DOCK4: variants seen among roughly 807,000 people sequenced by gnomAD.
DOCK4 encodes dedicator of cytokinesis 4.
DOCK4 carries 97 observed loss-of-function variants against 268.1 expected under a neutral mutation model. The observed-to-expected ratio is 0.36, with a 90% CI of 0.31 to 0.43. The LOEUF (loss-of-function observed/expected upper bound fraction) is 0.43, where lower values mean the gene tolerates loss of function less well. Ranked by LOEUF, DOCK4 falls within the 20% of genes least tolerant of loss-of-function variation. DOCK4 has a pLI of 1.00. For synonymous variants in DOCK4, 954 were observed against 887.2 expected (o/e 1.08, Z -1.34); for missense variants, 2,145 against 2,455.7 (o/e 0.87, Z 2.67).
At chr7:111,732,195 C>T (rs767389472) in intron 52 of DOCK4, 31 bp downstream of exon 52, 3 of 1,611,082 alleles carry the variant, frequency 1.9e-6, no homozygotes, top group South Asian at 2.2e-5. Context: ...CTGGGCCAGT[C>T]TCTAGCCTCA....
chr7:111,973,156 C>CATAT (rs144045255), intron 8 of DOCK4, among the ~76,000 whole-genome samples: 3,812 of 113,898 alleles, frequency 0.033, 114 homozygotes, highest in African/African-American at 0.081. Flanking sequence ...TATTCCATGG[C>CATAT]ATATATATAT....
chr7:111,808,729 G>A (rs2133895043), intron 30 of DOCK4, 92 bp downstream of exon 30: 4 of 1,280,122 alleles, frequency 3.1e-6, no homozygotes, highest in East Asian at 5.0e-5. Flanking sequence ...GTTTCACATG[G>A]TGTCACTGGT....
At chr7:112,108,319 T>A (rs183385500) in intron 1 of DOCK4, among the ~76,000 whole-genome samples, 1 of 152,192 alleles carries the variant, frequency 6.6e-6, no homozygotes, top group African/African-American at 2.4e-5. Context: ...CAAAACACTA[T>A]ACTAGAGTGA....
At chr7:111,972,880 G>A (rs185289443) in intron 8 of DOCK4, among the ~76,000 whole-genome samples, 383 of 149,620 alleles carry the variant, frequency 2.6e-3, no homozygotes, top group Non-Finnish European at 4.7e-3. Flanking sequence ...TGAGATTTTG[G>A]TGCACCCATC....
intron 2 of DOCK4, among the ~76,000 whole-genome samples, chr7:112,002,987 G>A (rs987622013): frequency 6.7e-6 from 1 of 149,896 alleles, no homozygotes; most frequent in South Asian, 2.1e-4. Flanking sequence ...GGAGGCAGAG[G>A]TTGCAGTGAG....
chr7:111,778,684 A>C (rs545354037), intron 35 of DOCK4, among the ~76,000 whole-genome samples: 1 of 152,314 alleles, frequency 6.6e-6, no homozygotes, highest in South Asian at 2.1e-4. Flanking sequence ...TAACAGATTA[A>C]TCCATTTTTT....
At chr7:111,755,883 T>A (rs1278586853) in intron 41 of DOCK4, among the ~76,000 whole-genome samples, 1 of 152,242 alleles carries the variant, frequency 6.6e-6, no homozygotes, top group African/African-American at 2.4e-5. Flanking sequence ...TGTTATTTTC[T>A]TTGCTACTTC....
chr7:112,123,553 C>T (rs970891), intron 1 of DOCK4, among the ~76,000 whole-genome samples: 151,622 of 152,340 alleles, frequency 1, 75,457 homozygotes, highest in East Asian at 1. Flanking sequence ...AAGCAAAGAA[C>T]AGATTCTGGA....
intron 8 of DOCK4, among the ~76,000 whole-genome samples, chr7:111,961,801 T>C (rs985785043): frequency 4.6e-5 from 7 of 152,240 alleles, no homozygotes; most frequent in Admixed American, 3.3e-4. Context: ...CGAGTATTTT[T>C]ATTCTAGGCA....
chr7:112,152,940 AC>A (rs775686332), intron 1 of DOCK4, among the ~76,000 whole-genome samples: 41 of 152,326 alleles, frequency 2.7e-4, no homozygotes, highest in Non-Finnish European at 2.1e-4. Flanking sequence ...AAAAATTTAA[AC>A]ATATTTTTGT....
chr7:112,013,369 A>G (rs907625188), intron 1 of DOCK4, among the ~76,000 whole-genome samples: 2 of 152,170 alleles, frequency 1.3e-5, no homozygotes, highest in African/African-American at 4.8e-5. Flanking sequence ...ACAAATACCA[A>G]TTTTTACCGG....
intron 1 of DOCK4, among the ~76,000 whole-genome samples, chr7:112,029,105 G>C (rs909935373): frequency 1.3e-5 from 2 of 152,122 alleles, no homozygotes; most frequent in Non-Finnish European, 2.9e-5. Flanking sequence ...TTAGTTGGTG[G>C]CACCCAGCTC....
intron 27 of DOCK4, among the ~76,000 whole-genome samples, chr7:111,814,194 C>T (rs1801366389): frequency 1.3e-5 from 2 of 152,148 alleles, no homozygotes; most frequent in Non-Finnish European, 2.9e-5. Flanking sequence ...TATTCCATGG[C>T]AAAGATTACC....
intron 1 of DOCK4, among the ~76,000 whole-genome samples, chr7:112,170,460 TA>T (rs963719773): frequency 6.6e-6 from 1 of 150,492 alleles, no homozygotes; most frequent in Middle Eastern, 3.4e-3. Flanking sequence ...TACCCCGTCT[TA>T]AAAAAAAACC....
intron 1 of DOCK4, among the ~76,000 whole-genome samples, chr7:112,068,582 A>G (rs945281316): frequency 6.6e-6 from 1 of 152,218 alleles, no homozygotes. Context: ...ACACATTGCA[A>G]ATGCATATAA....
intron 12 of DOCK4, among the ~76,000 whole-genome samples, chr7:111,926,298 C>T (rs558020253): frequency 2.4e-4 from 35 of 142,882 alleles, no homozygotes; most frequent in East Asian, 8.4e-4. Flanking sequence ...AGCATGGTGG[C>T]GCGCCGCCTG....
chr7:112,002,977 G>C (rs1405294869), intron 2 of DOCK4, among the ~76,000 whole-genome samples: 4 of 151,438 alleles, frequency 2.6e-5, no homozygotes, highest in African/African-American at 9.7e-5. Context: ...CTTGAAACCA[G>C]GAGGCAGAGG....
chr7:112,163,220 G>C (rs1586951879), intron 1 of DOCK4, among the ~76,000 whole-genome samples: 1 of 152,118 alleles, frequency 6.6e-6, no homozygotes, highest in Non-Finnish European at 1.5e-5. Flanking sequence ...GAATGGGTTT[G>C]GGGGAACCAC....
At chr7:112,060,684 T>A in intron 1 of DOCK4, among the ~76,000 whole-genome samples, 1 of 152,158 alleles carries the variant, frequency 6.6e-6, no homozygotes, top group East Asian at 1.9e-4. Context: ...TGGATGAACC[T>A]TGAGAACATT....
Sources: allele counts gnomAD v4.1 joint callset (sites outside exome capture counted in the v4.1 genomes callset), GRCh38; gene constraint gnomAD v4.1.1; transcripts MANE v1.5; gene names NCBI Gene and HGNC (gene_info 2026-07-23, HGNC 2026-07-21).